The following FBXO30 variants were observed in gnomAD, a reference collection of about 807,000 sequenced individuals.
FBXO30 encodes F-box only protein 30.
FBXO30 carries 21 observed loss-of-function variants against 58.1 expected under a neutral mutation model. The ratio of observed to expected loss-of-function variants is 0.36; its 90% CI spans 0.26 to 0.52. The LOEUF is 0.52. Among genes scored for constraint, FBXO30 ranks in the 20% least tolerant of loss-of-function variants. The pLI is 0.93. For missense variants in FBXO30, 744 were observed against 897.3 expected (o/e 0.83, Z 2.18); for synonymous variants, 309 against 312.4 (o/e 0.99, Z 0.11).
Position 145,805,236 on chromosome 6 carries a change from A to G in FBXO30, c.1170T>C (p.Asn390=). ...VLSFSHAPSF[N]FLSNSCWSKP... ...TAGACCAACATGAATTAGAAAGAAAATTGAATGAAGGAGCATGACTGAAAG... is the reference window on the plus strand; with the variant it reads ...TAGACCAACATGAATTAGAAAGAAAGTTGAATGAAGGAGCATGACTGAAAG... The change falls in exon 2 of 3, where the codon AAT becomes AAC. Residue 390 remains asparagine, a synonymous_variant. Coordinates refer to ENST00000237281, the MANE Select transcript of FBXO30 (RefSeq NM_032145.5). 6.2e-7 allele frequency: 1 copy of G among 1,614,094 alleles called. No individual in the cohort carries two copies. The highest frequency in any genetic ancestry group is 8.5e-7 in the Non-Finnish European group (1 of 1,179,974).
At chr6:145,801,245 T>C (rs1302876356) in intron 2 of FBXO30, among the ~76,000 whole-genome samples, 1 of 152,066 alleles carries the variant, frequency 6.6e-6, no homozygotes, top group Non-Finnish European at 1.5e-5. Flanking sequence ...AATGTCTAAT[T>C]AGGGAACAAT....
In FBXO30 at chr6:145,814,742, C is replaced by G. The variant is rs1207078085; in HGVS notation, c.-156G>C. The G allele has an allele frequency of 6.5e-6, 1 of 153,520 alleles. No individual in the cohort carries two copies. Among genetic ancestry groups the G allele is most frequent in the Admixed American group, 6.6e-5 (1 of 15,262 alleles). The allele number at this position is 153,520 out of a possible 1,614,324, so 9.5% of individuals were successfully genotyped here. The stretch of plus-strand genomic sequence containing the variant: ...CTCCGCCCCTCTTCCCCAGCCGGGC[C>G]GCCGCCTTTTCTCTTCTCCCGGCCT... On this transcript the variant is annotated 5_prime_UTR_variant, in exon 1 of 3. Transcript: ENST00000237281.
rs1275474641 is a variant in FBXO30 at position 145,794,718 on chromosome 6, G to A, written c.*5388C>T. 8 of 151,674 alleles carry A rather than the reference G, an allele frequency of 5.3e-5. No homozygotes were observed. The highest frequency in any genetic ancestry group is 1.2e-4 in the Non-Finnish European group (8 of 67,778). The allele number at this position is 151,674 out of a possible 1,614,324, so 9.4% of individuals were successfully genotyped here. A position where few individuals can be genotyped will look rare whatever the true frequency, so the allele number is the denominator to read the frequency against. On this transcript the variant is annotated 3_prime_UTR_variant, in exon 3 of 3. Coordinates refer to ENST00000237281, the MANE Select transcript of FBXO30 (RefSeq NM_032145.5). The stretch of plus-strand genomic sequence containing the variant: ...TTGATTTATTTCAATCAAATAACAC[G>A]GTTAAACCTGAATGCTGATACTTGT...
chr6:145,804,727 T>C lies in FBXO30; in HGVS notation c.1679A>G (p.Tyr560Cys), dbSNP rs1443357609. The change falls in exon 2 of 3, where the codon TAT becomes TGT. Residue 560 changes from tyrosine to cysteine, a missense_variant. Tyr to Cys is a radical substitution (Grantham distance 194, BLOSUM62 -2). Coordinates refer to ENST00000237281, the MANE Select transcript of FBXO30 (RefSeq NM_032145.5). ...TCTACGCTGAGAATAGGTACAACCA[T>C]AGTAAGCTAAAGGGCACCTCTGTTC... Reference protein sequence around the residue: ...WMEQRCPLAYYGCTYSQRRFC... With the variant: ...WMEQRCPLAYCGCTYSQRRFC... 7 of 1,613,824 alleles carry C rather than the reference T, an allele frequency of 4.3e-6. No individual in the cohort carries two copies. The highest frequency in any genetic ancestry group is 5.1e-6 in the Non-Finnish European group (6 of 1,179,896).
chr6:145,804,399 T>C lies in FBXO30; in HGVS notation c.2007A>G (p.Gly669=), dbSNP rs35477513. ...LQWGKRKYPE[G]NSSWQIKEKV... is the part of the protein sequence containing the mutation. ...TTTCTTTTATCTGCCATGATGAATT[T>C]CCTTCTGGATACTTCCTTTTCCCCC... Residue 669 remains glycine, a synonymous_variant, in exon 2 of 3, where the codon GGA becomes GGG. Transcript: ENST00000237281. 0.014 allele frequency: 22,038 copies of C among 1,612,726 alleles called. 177 individuals carry two copies. Among genetic ancestry groups the C allele is most frequent in the South Asian group, 0.019 (1,686 of 90,910 alleles).
rs1160571913 is a variant in FBXO30, at chr6:145,793,582, T to A, written c.*6524A>T. Reference sequence around the variant, plus strand: ...CTTTAAAAGAAACAAAGTATAAAACTATAAAAAAAAACCTTGAAAATTATA... The same window carrying A: ...CTTTAAAAGAAACAAAGTATAAAACAATAAAAAAAAACCTTGAAAATTATA... On this transcript the variant is annotated 3_prime_UTR_variant, in exon 3 of 3. Transcript: ENST00000237281. 6.6e-6 allele frequency: 1 copy of A among 151,678 alleles called. No individual in the cohort carries two copies. Among genetic ancestry groups the A allele is most frequent in the Non-Finnish European group, 1.5e-5 (1 of 67,828 alleles). 9.4% of individuals were successfully genotyped at this position (151,678 alleles called of 1,614,324 possible).
chr6:145,809,816 G>A (rs1562247364), intron 1 of FBXO30: 1 of 152,158 alleles, frequency 6.6e-6, no homozygotes, highest in African/African-American at 2.4e-5. Context: ...TCTGCCCAAG[G>A]TCATCTACCT....
chr6:145,813,765 A>AACTTC (rs1778406128), intron 1 of FBXO30, among the ~76,000 whole-genome samples: 1 of 152,234 alleles, frequency 6.6e-6, no homozygotes, highest in African/African-American at 2.4e-5. Context: ...TCAACGAAGT[A>AACTTC]ATCATGGAAT....
Position 145,805,831 on chromosome 6 carries a change from C to T in FBXO30, c.575G>A (p.Ser192Asn). ...LYQATVETTR[S>N]LAAALDILNT... ...CAGGATATCCAAAGCAGCAGCCAAA[C>T]TTCTGGTTGTTTCTACAGTAGCTTG... Residue 192 changes from serine to asparagine, a missense_variant, in exon 2 of 3, where the codon AGT (serine) becomes AAT (asparagine). Coordinates refer to ENST00000237281, the MANE Select transcript of FBXO30 (RefSeq NM_032145.5). 1 of 1,614,076 alleles carries T rather than the reference C, an allele frequency of 6.2e-7. No homozygotes were observed. Among genetic ancestry groups the T allele is most frequent in the Non-Finnish European group, 8.5e-7 (1 of 1,179,988 alleles).
chr6:145,810,536 C>A (rs749222311), intron 1 of FBXO30, among the ~76,000 whole-genome samples: 4 of 152,108 alleles, frequency 2.6e-5, no homozygotes, highest in Non-Finnish European at 5.9e-5. Flanking sequence ...TTTCGCTGGA[C>A]CAGAAAATAT....
intron 1 of FBXO30, among the ~76,000 whole-genome samples, chr6:145,809,627 C>T (rs1562247293): frequency 6.6e-6 from 1 of 152,176 alleles, no homozygotes; most frequent in Non-Finnish European, 1.5e-5. Context: ...TTTTACACTA[C>T]CCATCCCCCT....
Position 145,799,477 on chromosome 6 carries a change from T to C in FBXO30, c.*629A>G, listed in dbSNP as rs1376047841. On this transcript the variant is annotated 3_prime_UTR_variant, in exon 3 of 3. Coordinates refer to ENST00000237281, the MANE Select transcript of FBXO30 (RefSeq NM_032145.5). ...ATCTAACAAAAAAGAAAGCTGCACA[T>C]GGTCACTCTGTGTGTTGAGTTGTAA... The C allele has an allele frequency of 6.6e-6, 1 of 152,402 alleles. No homozygotes were observed. The highest frequency in any genetic ancestry group is 1.5e-5 in the Non-Finnish European group (1 of 68,022). The allele number at this position is 152,402 out of a possible 1,614,324, so 9.4% of individuals were successfully genotyped here.
rs938034447 is a variant in FBXO30, at chr6:145,799,174, C to T, written c.*932G>A. The T allele has an allele frequency of 6.6e-5, 10 of 151,814 alleles. No individual in the cohort carries two copies. Among genetic ancestry groups the T allele is most frequent in the African/African-American group, 2.4e-4 (10 of 41,284 alleles). 9.4% of individuals were successfully genotyped at this position (151,814 alleles called of 1,614,324 possible). A position where few individuals can be genotyped will look rare whatever the true frequency, so the allele number is the denominator to read the frequency against. On this transcript the variant is annotated 3_prime_UTR_variant, in exon 3 of 3. Coordinates refer to ENST00000237281, the MANE Select transcript of FBXO30 (RefSeq NM_032145.5). ...CATTTTACAAAGATAACAAATTTCA[C>T]GTTTTTAAATGTCTTAAAACAACAT...
Position 145,798,778 on chromosome 6 carries a change from C to CT in FBXO30, c.*1327dup, listed in dbSNP as rs1160038127. 4 of 152,028 alleles carry CT rather than the reference C, an allele frequency of 2.6e-5. No homozygotes were observed. Among genetic ancestry groups the CT allele is most frequent in the Non-Finnish European group, 5.9e-5 (4 of 67,976 alleles). 9.4% of individuals were successfully genotyped at this position (152,028 alleles called of 1,614,324 possible). A position where few individuals can be genotyped will look rare whatever the true frequency, so the allele number is the denominator to read the frequency against. ...AAGAACCTAGTAATCGTGGAGTACT[C>CT]TCAGGGACAAATGTAGGAAGAGAGG... On this transcript the variant is annotated 3_prime_UTR_variant, in exon 3 of 3. Coordinates refer to ENST00000237281, the MANE Select transcript of FBXO30 (RefSeq NM_032145.5).
intron 2 of FBXO30, among the ~76,000 whole-genome samples, chr6:145,802,395 A>C (rs1778029471): frequency 6.6e-6 from 1 of 152,168 alleles, no homozygotes; most frequent in African/African-American, 2.4e-5. Context: ...TCATACAAGC[A>C]AAGTGCTAAT....
rs756099508 is a variant in FBXO30 at position 145,794,015 on chromosome 6, C to CA, written c.*6090dup. 12 of 151,944 alleles carry CA rather than the reference C, an allele frequency of 7.9e-5. No homozygotes were observed. The highest frequency in any genetic ancestry group is 3.3e-4 in the Admixed American group (5 of 15,248). The allele number at this position is 151,944 out of a possible 1,614,324, so 9.4% of individuals were successfully genotyped here. A position where few individuals can be genotyped will look rare whatever the true frequency, so the allele number is the denominator to read the frequency against. ...ATCAAATACACCATTTTAAAGTATACAATTCACTGGCATTTTGGCACATTC... is the reference window on the plus strand; with the variant it reads ...ATCAAATACACCATTTTAAAGTATACAAATTCACTGGCATTTTGGCACATTC... On this transcript the variant is annotated 3_prime_UTR_variant, in exon 3 of 3. Transcript: ENST00000237281.
rs766539534 is a variant in FBXO30, at chr6:145,805,669, G to A, written c.737C>T (p.Ala246Val). 10 of 1,614,064 alleles carry A rather than the reference G, an allele frequency of 6.2e-6. No homozygotes were observed. The highest frequency in any genetic ancestry group is 2.2e-5 in the East Asian group (1 of 44,880). ...GTCATTGTAGTCAATTCCACCTACT[G>A]CTCCTATTTCCTCCTCATAAAGATG... ...QDHLYEEEIGAVGGIDYNDTN... is the reference protein window; with the variant it reads ...QDHLYEEEIGVVGGIDYNDTN... Residue 246 changes from alanine (A) to valine (V), a missense_variant, in exon 2 of 3, where the codon GCA becomes GTA. By Grantham distance (64) the Ala-to-Val change is moderately conservative (BLOSUM62 0). Around this residue, in one of 3 missense-constraint regions of FBXO30, gnomAD observed 275 missense variants for 262.0 expected, o/e 1.05. Coordinates refer to ENST00000237281, the MANE Select transcript of FBXO30 (RefSeq NM_032145.5).
chr6:145,805,405 G>A lies in FBXO30; in HGVS notation c.1001C>T (p.Ala334Val). 3 of 1,614,004 alleles carry A rather than the reference G, an allele frequency of 1.9e-6. No individual in the cohort carries two copies. The highest frequency in any genetic ancestry group is 1.7e-4 in the Middle Eastern group (1 of 6,060). Reference sequence around the variant, plus strand: ...TGGTATTATTTCCCTAAGTTGTGCTGCCACCGCAAGTGAGCTGGAAGGTTT... The same window carrying A: ...TGGTATTATTTCCCTAAGTTGTGCTACCACCGCAAGTGAGCTGGAAGGTTT... ...TSKPSSSLAV[A>V]AQLREIIPSS... Residue 334 changes from alanine to valine, a missense_variant, in exon 2 of 3, where the codon GCA becomes GTA. This residue lies in a region of FBXO30 where 275 missense variants were observed against 262.0 expected (regional missense o/e 1.05). Transcript: ENST00000237281.
chr6:145,804,992 T>C lies in FBXO30; in HGVS notation c.1414A>G (p.Thr472Ala), dbSNP rs1317903955. 6.2e-7 allele frequency: 1 copy of C among 1,613,768 alleles called. No homozygotes were observed. Among genetic ancestry groups the C allele is most frequent in the East Asian group, 2.2e-5 (1 of 44,882 alleles). Reference sequence around the variant, plus strand: ...GCTGAAGCTATCTCCCCAACCATTGTACTTGTAGCTAATATTGCAGATGGA... The same window carrying C: ...GCTGAAGCTATCTCCCCAACCATTGCACTTGTAGCTAATATTGCAGATGGA... ...SLPSAILATS[T>A]MVGEIASASA... The change falls in exon 2 of 3, where the codon ACA becomes GCA. Residue 472 changes from threonine (T) to alanine (A), a missense_variant. Physicochemically the swap from Thr to Ala is moderately conservative, Grantham distance 58 (BLOSUM62 0). This residue lies in a region of FBXO30 where 334 missense variants were observed against 433.7 expected (regional missense o/e 0.77). Coordinates refer to ENST00000237281, the MANE Select transcript of FBXO30 (RefSeq NM_032145.5).
Sources: allele counts gnomAD v4.1 joint callset (sites outside exome capture counted in the v4.1 genomes callset), GRCh38; gene constraint gnomAD v4.1.1; regional missense constraint gnomAD v4.1.1; transcripts MANE v1.5; gene names NCBI Gene and HGNC (gene_info 2026-07-23, HGNC 2026-07-21).